Variants in DST observed in about 807,000 individuals in gnomAD.
DST encodes bullous pemphigoid antigen.
A neutral mutation model predicts 875.2 loss-of-function variants in DST; 253 were observed. The observed-to-expected ratio is 0.29, with a 90% CI of 0.26 to 0.32. The LOEUF is 0.32. Ranked by LOEUF, DST falls within the 10% of genes least tolerant of loss-of-function variation. DST has a pLI of 1.00. For missense variants in DST, 8,287 were observed against 9,111.6 expected (o/e 0.91, Z 3.68); for synonymous variants, 3,124 against 3,197.1 (o/e 0.98, Z 0.77).
chr6:56,581,783 A>G (rs991536746), intron 49 of DST, among the ~76,000 whole-genome samples: 1 of 152,176 alleles, frequency 6.6e-6, no homozygotes, highest in African/African-American at 2.4e-5. Context: ...TAGCTTTCCA[A>G]CTGCCTCTTG....
chr6:56,705,602 T>C (rs1052297953), intron 5 of DST, among the ~76,000 whole-genome samples: 3 of 152,224 alleles, frequency 2.0e-5, no homozygotes, highest in African/African-American at 7.2e-5. Context: ...AAAATGTTTT[T>C]GATTGATGAA....
Position 56,851,277 on chromosome 6 carries a change from C to A in DST, c.625+120G>T, listed in dbSNP as rs13207768. On this transcript the variant is annotated intron_variant, in intron 4 of 103. Transcript: ENST00000680361. ...AGTAAACATGGTCATCATCCTCCCC[C>A]ACCTTGAGCACAGATTCCTGCCCAG... 135,543 of 891,750 alleles carry A rather than the reference C, an allele frequency of 0.15. 12,221 individuals carry two copies. Among genetic ancestry groups the A allele is most frequent in the Non-Finnish European group, 0.18 (107,957 of 586,478 alleles). The allele number at this position is 891,750 out of a possible 1,614,324, so 55.2% of individuals were successfully genotyped here. A position where few individuals can be genotyped will look rare whatever the true frequency, so the allele number is the denominator to read the frequency against.
chr6:56,797,081 T>A lies in DST; in HGVS notation c.625+54316A>T, dbSNP rs759438502. On this transcript the variant is annotated intron_variant, in intron 4 of 103. Coordinates refer to ENST00000680361, the MANE Select transcript of DST (RefSeq NM_001374736.1). ...CATGGGCTCACTTCCTGTCTCTGTG[T>A]TATATTTTGGTAATTCTCACAATAT... Among the ~76,000 whole-genome samples, 135 of 152,338 alleles carry A rather than the reference T, an allele frequency of 8.9e-4. 2 individuals are homozygous for A. The highest frequency in any genetic ancestry group is 6.9e-4 in the Non-Finnish European group (47 of 68,036).
intron 69 of DST, among the ~76,000 whole-genome samples, chr6:56,518,361 C>T (rs969907960): frequency 6.6e-6 from 1 of 152,070 alleles, no homozygotes; most frequent in Non-Finnish European, 1.5e-5. Context: ...TTTTCTTCCA[C>T]AAATCAAGAG....
At chr6:56,788,349 G>C (rs780368472) in intron 4 of DST, among the ~76,000 whole-genome samples, 1 of 151,584 alleles carries the variant, frequency 6.6e-6, no homozygotes, top group Non-Finnish European at 1.5e-5. Flanking sequence ...CTATAGGTGT[G>C]CACCACCAGC....
chr6:56,797,647 T>C (rs1207134392), intron 4 of DST, among the ~76,000 whole-genome samples: 1 of 151,822 alleles, frequency 6.6e-6, no homozygotes, highest in Non-Finnish European at 1.5e-5. Context: ...GGCAAAACCC[T>C]ATCTCTACTA....
In DST at chr6:56,608,407, C is replaced by G. The variant is rs976819291; in HGVS notation, c.6221G>C (p.Trp2074Ser). Residue 2074 changes from tryptophan (W) to serine (S), a missense_variant, in exon 40 of 104, where the codon TGG becomes TCG. By Grantham distance (177) the Trp-to-Ser change is radical. Transcript: ENST00000680361. Reference sequence around the variant, plus strand: ...GGGAAATATTTCACCAGAATGGGGCCAAATGAGTCCAACATAGCCTCGCTG... The same window carrying G: ...GGGAAATATTTCACCAGAATGGGGCGAAATGAGTCCAACATAGCCTCGCTG... The part of the protein sequence containing the change: ...EAQRGYVGLI[W>S]PHSGEIFPTS... The G allele has an allele frequency of 6.8e-6, 11 of 1,613,392 alleles. No homozygotes were observed. The highest frequency in any genetic ancestry group is 1.6e-4 in the Middle Eastern group (1 of 6,084).
rs1039330157 is a variant in DST, at chr6:56,714,457, C to A, written c.688-10088G>T. On this transcript the variant is annotated intron_variant, in intron 5 of 103. Coordinates refer to ENST00000680361, the MANE Select transcript of DST (RefSeq NM_001374736.1). This position sits in a 1 kb window ranked among gnomAD's most constrained non-coding sequence, Gnocchi z 4.5. ...AAACTAGTTTTCCCAGTTGTAAAAGCCCAGTGTCACAGAAGAGGTACTGCA... is the reference window on the plus strand; with the variant it reads ...AAACTAGTTTTCCCAGTTGTAAAAGACCAGTGTCACAGAAGAGGTACTGCA... 2.0e-5 allele frequency among the ~76,000 whole-genome samples: 3 copies of A among 152,142 alleles called. No individual in the cohort carries two copies.
intron 2 of DST, among the ~76,000 whole-genome samples, chr6:56,933,007 A>T (rs1222155476): frequency 6.6e-6 from 1 of 152,008 alleles, no homozygotes; most frequent in Non-Finnish European, 1.5e-5. Context: ...AAATCTTAAC[A>T]TATGTTCCTG....
At chr6:56,715,524 G>A (rs1229352990) in intron 5 of DST, among the ~76,000 whole-genome samples, 4 of 152,130 alleles carry the variant, frequency 2.6e-5, no homozygotes, top group South Asian at 4.1e-4. Context: ...CTCACCAAGC[G>A]CAAAGAGGGA....
intron 4 of DST, among the ~76,000 whole-genome samples, chr6:56,752,982 G>C (rs188046528): frequency 4.3e-4 from 65 of 152,010 alleles, no homozygotes; most frequent in African/African-American, 1.6e-3. Context: ...GTAGAGACGG[G>C]GTTTCTCCAT....
At chr6:56,732,499 AG>A (rs1215513969) in intron 5 of DST, among the ~76,000 whole-genome samples, 1 of 152,224 alleles carries the variant, frequency 6.6e-6, no homozygotes, top group African/African-American at 2.4e-5. Flanking sequence ...TTTTGAAATA[AG>A]CAAAAAACAA....
chr6:56,599,457 A>T (rs1249080993), intron 45 of DST, among the ~76,000 whole-genome samples: 1 of 152,118 alleles, frequency 6.6e-6, no homozygotes, highest in Admixed American at 6.6e-5. Context: ...CTTACACAAT[A>T]TTTACTTAAC....
At chr6:56,918,132 T>C (rs1027222086) in intron 2 of DST, among the ~76,000 whole-genome samples, 2 of 144,326 alleles carry the variant, frequency 1.4e-5, no homozygotes, top group Admixed American at 6.8e-5. Context: ...CTTTTTTTTT[T>C]CTTTTTTTTT....
chr6:56,488,968 T>C (rs1286424296), intron 86 of DST, among the ~76,000 whole-genome samples: 1 of 152,228 alleles, frequency 6.6e-6, no homozygotes, highest in Non-Finnish European at 1.5e-5. Context: ...AACATGTCTT[T>C]GGGTACCTTT....
intron 10 of DST, among the ~76,000 whole-genome samples, chr6:56,660,356 A>T (rs2099032664): frequency 6.6e-6 from 1 of 152,158 alleles, no homozygotes; most frequent in South Asian, 2.1e-4. Context: ...AAAAACAAAA[A>T]CAAGCCTCAC....
chr6:56,632,751 T>G, intron 28 of DST, 103 bp downstream of exon 28: 1 of 896,150 alleles, frequency 1.1e-6, no homozygotes. Context: ...TATCATAGGC[T>G]GGGTGATACA....
intron 4 of DST, among the ~76,000 whole-genome samples, chr6:56,806,609 G>T (rs1472677873): frequency 6.6e-6 from 1 of 152,180 alleles, no homozygotes; most frequent in Non-Finnish European, 1.5e-5. Context: ...CATAAAGGGA[G>T]CCCTGAGCAG....
chr6:56,469,082 TCA>T (rs2094741269), intron 97 of DST, 83 bp from the exon 98 acceptor site: 4 of 1,065,964 alleles, frequency 3.8e-6, no homozygotes, highest in African/African-American at 1.6e-5. Context: ...ACACACATAC[TCA>T]CACTCTGTGC....
Sources: allele counts gnomAD v4.1 joint callset (sites outside exome capture counted in the v4.1 genomes callset), GRCh38; gene constraint gnomAD v4.1.1; non-coding constraint Gnocchi (gnomAD v3.1); transcripts MANE v1.5; gene names NCBI Gene and HGNC (gene_info 2026-07-23, HGNC 2026-07-21).